The following FAM20C variants were observed in gnomAD, a reference collection of about 807,000 sequenced individuals.
FAM20C encodes the protein extracellular serine/threonine protein kinase FAM20C.
Under a neutral mutation model 51.5 loss-of-function variants are expected in FAM20C, and 40 were observed. The ratio of observed to expected loss-of-function variants is 0.78; its 90% confidence interval spans 0.60 to 1.01. The LOEUF is 1.01. FAM20C is among the 50% of genes least tolerant of loss of function. The pLI, the probability that FAM20C is intolerant of heterozygous loss-of-function variation, is 0.00. For synonymous variants in FAM20C, 406 were observed against 380.6 expected, an observed-to-expected ratio of 1.07 and a Z score of -0.78; for missense variants, 861 against 844.7, an observed-to-expected ratio of 1.02 and a Z score of -0.24.
chr7:243,934 T>A (rs868182213), intron 3 of FAM20C, among the ~76,000 whole-genome samples: 1 of 125,690 alleles, frequency 8.0e-6, no homozygotes, highest in Non-Finnish European at 1.7e-5. Context: ...ATAATAATAA[T>A]AATAATAATA....
In FAM20C at chr7:204,301, CAG is replaced by C. The variant is rs1277453452; in HGVS notation, c.785-4596_785-4595del. On this transcript the variant is annotated intron_variant, in intron 2 of 9. Transcript: ENST00000313766. ...TGCTGGCCCGCCTGAGGCTGGCGTT[CAG>C]GTTCTGTGCAGTGTTTTGGAGAGAA... 3.2e-4 allele frequency among the ~76,000 whole-genome samples: 49 copies of C among 152,368 alleles called. No individual in the cohort carries two copies. In the Middle Eastern group the frequency reaches 0.014, roughly 42 times the overall value.
In FAM20C at chr7:257,192, G is replaced by T. The variant is rs948395745; in HGVS notation, c.1445+106G>T. On this transcript the variant is annotated intron_variant, in intron 8 of 9. Coordinates refer to ENST00000313766, the MANE Select transcript of FAM20C (RefSeq NM_020223.4). ...GACGGGGGGAGCAGACCCTCCAGTGGAGGGATGGGAATGTCGCAAAGGCCC... is the reference window on the plus strand; with the variant it reads ...GACGGGGGGAGCAGACCCTCCAGTGTAGGGATGGGAATGTCGCAAAGGCCC... 3 of 1,102,302 alleles carry T rather than the reference G, an allele frequency of 2.7e-6. No homozygotes were observed. The Admixed American group carries it at 6.6e-5, about 24-fold the overall frequency. 68.3% of individuals were successfully genotyped at this position (1,102,302 alleles called of 1,614,324 possible). A position where few individuals can be genotyped will look rare whatever the true frequency, so the allele number is the denominator to read the frequency against.
chr7:194,122 A>C, intron 1 of FAM20C: 2 of 323,830 alleles, frequency 6.2e-6, no homozygotes, highest in Non-Finnish European at 1.1e-5. Context: ...CAATGAATGA[A>C]TGAGTTGGTG....
At chr7:254,031 C>T (rs1788501702) in intron 5 of FAM20C, among the ~76,000 whole-genome samples, 1 of 151,608 alleles carries the variant, frequency 6.6e-6, no homozygotes, top group South Asian at 2.1e-4. Flanking sequence ...TTCGTTCTTA[C>T]AATAATGACC....
intron 3 of FAM20C, among the ~76,000 whole-genome samples, chr7:243,425 A>G (rs1280526892): frequency 1.0e-4 from 2 of 19,808 alleles, no homozygotes; most frequent in Admixed American, 3.4e-4. Flanking sequence ...TGTGCCACCC[A>G]AGAGACCTGT....
At chr7:223,307 C>T (rs1787322561) in intron 3 of FAM20C, among the ~76,000 whole-genome samples, 1 of 152,184 alleles carries the variant, frequency 6.6e-6, no homozygotes, top group African/African-American at 2.4e-5. Flanking sequence ...CTGCAGGCTC[C>T]ACGGCGGGTG....
intron 3 of FAM20C, among the ~76,000 whole-genome samples, chr7:211,585 G>C (rs990152188): frequency 3.9e-5 from 6 of 152,154 alleles, no homozygotes; most frequent in African/African-American, 1.4e-4. Flanking sequence ...GGACCCGTTT[G>C]TCAGGGCCCT....
At chr7:230,469 G>A (rs982750744) in intron 3 of FAM20C, among the ~76,000 whole-genome samples, 4 of 151,084 alleles carry the variant, frequency 2.6e-5, no homozygotes, top group African/African-American at 7.3e-5. Context: ...GTGTCCCGGC[G>A]TTCGGAACAC....
intron 3 of FAM20C, among the ~76,000 whole-genome samples, chr7:236,208 GGCC>G (rs1787843619): frequency 1.0e-5 from 1 of 98,272 alleles, no homozygotes; most frequent in African/African-American, 8.1e-5. Context: ...AGCGGCTCCT[GGCC>G]GAGGTGAGAG....
chr7:230,564 G>A (rs1022834317), intron 3 of FAM20C, among the ~76,000 whole-genome samples: 11 of 152,072 alleles, frequency 7.2e-5, no homozygotes, highest in African/African-American at 1.9e-4. Flanking sequence ...CACCCTGGCC[G>A]GCCACCTCAG....
At position 256,734 on chromosome 7, in the gene FAM20C, T is replaced by G; in HGVS notation, c.1334T>G (p.Met445Arg). 1 of 1,536,190 alleles carries G rather than the reference T, an allele frequency of 6.5e-7. No homozygotes were observed. Among genetic ancestry groups the G allele is most frequent in the Non-Finnish European group, 8.7e-7 (1 of 1,146,820 alleles). The change falls in exon 7 of 10, where the codon ATG becomes AGG. Residue 445 changes from methionine to arginine, a missense_variant. This residue lies in a region of FAM20C where 269 missense variants were observed against 283.8 expected (regional missense o/e 0.95). Transcript: ENST00000313766. The stretch of plus-strand genomic sequence containing the variant: ...AGCAGCCACCGCATCCTGGACGTCA[T>G]GGACATGACGATCTTCGACTTCCTC... ...YDSSHRILDVMDMTIFDFLMG... is the reference protein window; with the variant it reads ...YDSSHRILDVRDMTIFDFLMG...
rs931251996 is a variant in FAM20C, at chr7:193,113, G to A, written c.-87G>A. The A allele has an allele frequency of 2.2e-5, 27 of 1,239,746 alleles. No homozygotes were observed. The African/African-American group carries it at 3.9e-4, about 18-fold the overall frequency. The allele number at this position is 1,239,746 out of a possible 1,614,324, so 76.8% of individuals were successfully genotyped here. On this transcript the variant is annotated 5_prime_UTR_variant, in exon 1 of 10. Coordinates refer to ENST00000313766, the MANE Select transcript of FAM20C (RefSeq NM_020223.4). Reference sequence around the variant, plus strand: ...GCCCGGCACCGATGGACCTTGACCCGCGAGGCGGCGCCGCGCTCGTGCCCA... The same window carrying A: ...GCCCGGCACCGATGGACCTTGACCCACGAGGCGGCGCCGCGCTCGTGCCCA...
rs1134015 is a variant in FAM20C at position 260,547 on chromosome 7, T to C, written c.*567T>C. 0.41 allele frequency: 62,007 copies of C among 152,248 alleles called. 12,866 individuals are homozygous for C. Among genetic ancestry groups the C allele is most frequent in the Non-Finnish European group, 0.44 (30,131 of 68,054 alleles). 9.4% of individuals were successfully genotyped at this position (152,248 alleles called of 1,614,324 possible). On this transcript the variant is annotated 3_prime_UTR_variant, in exon 10 of 10. Transcript: ENST00000313766. ...GTGCGCTGGTGGACGGATGCCTACG[T>C]GGTTTTGGAGGACCCGATGACCAGG...
At position 258,435 on chromosome 7, in the gene FAM20C, G is replaced by GA. The variant is rs1390280391; in HGVS notation, c.1446-211_1446-210insA. On this transcript the variant is annotated intron_variant, in intron 8 of 9. Coordinates refer to ENST00000313766, the MANE Select transcript of FAM20C (RefSeq NM_020223.4). ...GGGTGGGGTGGACCCACTGCCTGGGGTGCTGGAGATGGGTGGGATGGACCC... is the reference window on the plus strand; with the variant it reads ...GGGTGGGGTGGACCCACTGCCTGGGGATGCTGGAGATGGGTGGGATGGACCC... 3.1e-5 allele frequency among the ~76,000 whole-genome samples: 2 copies of GA among 63,656 alleles called. 1 individual carries two copies. Among genetic ancestry groups the GA allele is most frequent in the Non-Finnish European group, 6.1e-5 (2 of 32,574 alleles). The allele number at this position is 63,656 out of a possible 152,430, so 41.8% of individuals were successfully genotyped here.
At chr7:236,535 C>T (rs1787852481) in intron 3 of FAM20C, among the ~76,000 whole-genome samples, 2 of 152,232 alleles carry the variant, frequency 1.3e-5, no homozygotes, top group Non-Finnish European at 2.9e-5. Flanking sequence ...TGGGGACCCC[C>T]TGGGATCGTC....
rs563355960 is a variant in FAM20C, at chr7:209,818, A to G, written c.863+842A>G. On this transcript the variant is annotated intron_variant, in intron 3 of 9. Coordinates refer to ENST00000313766, the MANE Select transcript of FAM20C (RefSeq NM_020223.4). ...GGTAACTAATTCAGAAGCTCTTCAT[A>G]TACTTTGCAGGTAAAACAAAATATA... Among the ~76,000 whole-genome samples the G allele has an allele frequency of 6.6e-4, 101 of 152,368 alleles. 1 individual carries two copies. The highest frequency in any genetic ancestry group is 2.3e-3 in the African/African-American group (94 of 41,594).
At chr7:256,367 C>A in intron 6 of FAM20C, 1 of 571,070 alleles carries the variant, frequency 1.8e-6, no homozygotes, top group Non-Finnish European at 3.1e-6. Flanking sequence ...ACGTTGTCCT[C>A]GTGAGTGTGT....
At chr7:212,738 G>A (rs144407533) in intron 3 of FAM20C, among the ~76,000 whole-genome samples, 347 of 152,290 alleles carry the variant, frequency 2.3e-3, no homozygotes, top group African/African-American at 7.8e-3. Context: ...CAACCCAAGC[G>A]CTCCTGGGTG....
At chr7:257,396 G>T in intron 8 of FAM20C, 1 of 347,290 alleles carries the variant, frequency 2.9e-6, no homozygotes, top group South Asian at 4.4e-5. Context: ...GTGCAGAATA[G>T]ATGGGCCTCT....
Sources: gnomAD v4.1 joint callset for allele counts (sites outside exome capture counted in the v4.1 genomes callset) on GRCh38, gnomAD v4.1.1 for gene constraint, gnomAD v4.1.1 regional missense constraint, MANE v1.5 for transcripts, NCBI Gene and HGNC (gene_info 2026-07-23, HGNC 2026-07-21) for gene names.